The following GXYLT2 variants were observed in gnomAD, a reference collection of about 807,000 sequenced individuals.
GXYLT2 encodes glucoside xylosyltransferase 2, also known as glycosyltransferase 8 domain containing 4.
GXYLT2 carries 53 observed loss-of-function variants against 45.8 expected under a neutral mutation model. The ratio of observed to expected loss-of-function variants is 1.16; its 90% CI spans 0.93 to 1.46. The LOEUF is 1.46. GXYLT2 is among the 40% of genes most tolerant of loss of function. The probability of loss-of-function intolerance (pLI) is 0.00; values close to 1 mark genes in which losing one functional copy is unlikely to be tolerated. For synonymous variants in GXYLT2, 219 were observed against 214.2 expected (o/e 1.02, Z -0.19); for missense variants, 551 against 544.4 (o/e 1.01, Z -0.12).
intron 3 of GXYLT2, among the ~76,000 whole-genome samples, chr3:72,944,922 C>G (rs545022553): frequency 5.3e-5 from 8 of 152,206 alleles, no homozygotes; most frequent in African/African-American, 1.7e-4. Flanking sequence ...GACATGCAAG[C>G]AAAAGCAGGA....
At chr3:72,899,023 G>A (rs926115261) in intron 1 of GXYLT2, among the ~76,000 whole-genome samples, 10 of 151,120 alleles carry the variant, frequency 6.6e-5, no homozygotes, top group African/African-American at 1.2e-4. Flanking sequence ...GAGCCACCGC[G>A]CCCGGCCAGA....
At chr3:72,911,399 T>G (rs1228597672) in intron 2 of GXYLT2, among the ~76,000 whole-genome samples, 5 of 152,214 alleles carry the variant, frequency 3.3e-5, no homozygotes, top group Non-Finnish European at 5.9e-5. Context: ...TCTGTTATTC[T>G]CATGCTGGTA....
chr3:72,912,058 T>C (rs1229347760), intron 2 of GXYLT2, among the ~76,000 whole-genome samples: 1 of 146,890 alleles, frequency 6.8e-6, no homozygotes, highest in African/African-American at 2.6e-5. Flanking sequence ...TCTCCCAGGC[T>C]GAAGTGCAGT....
At chr3:72,973,103 AAAAAAATCCTCTG>A (rs747293694) in intron 6 of GXYLT2, among the ~76,000 whole-genome samples, 3 of 152,180 alleles carry the variant, frequency 2.0e-5, no homozygotes, top group Non-Finnish European at 4.4e-5. Context: ...CTCAAAAGAA[AAAAAAATCCTCTG>A]AGATAGTGAA....
intron 3 of GXYLT2, among the ~76,000 whole-genome samples, chr3:72,933,121 AT>A (rs61121953): frequency 0.1 from 15,835 of 152,140 alleles, 1,056 homozygotes; most frequent in East Asian, 0.28. Flanking sequence ...TATTATACCT[AT>A]TTTTTTAGGA....
rs11398405 is a variant in GXYLT2 at position 72,951,191 on chromosome 3, A to ATT, written c.601-3898_601-3897dup. Among the ~76,000 whole-genome samples the ATT allele has an allele frequency of 6.5e-4, 98 of 150,512 alleles. 1 individual carries two copies. Among genetic ancestry groups the ATT allele is most frequent in the South Asian group, 4.2e-3 (20 of 4,774 alleles). ...AGAGATGCAATGTTATCAAAAAGTG[A>ATT]TTTTTTTTTTGGTCTTTTGTTTTTT... On this transcript the variant is annotated intron_variant, in intron 3 of 6. Transcript: ENST00000389617.
At chr3:72,926,687 A>G (rs1239240912) in intron 3 of GXYLT2, among the ~76,000 whole-genome samples, 1 of 152,190 alleles carries the variant, frequency 6.6e-6, no homozygotes, top group East Asian at 1.9e-4. Flanking sequence ...AGAAATTATG[A>G]AGATTTCTCT....
At chr3:72,898,632 CTGCACCCG>C (rs979555415) in intron 1 of GXYLT2, among the ~76,000 whole-genome samples, 1 of 152,156 alleles carries the variant, frequency 6.6e-6, no homozygotes, top group Non-Finnish European at 1.5e-5. Flanking sequence ...AGATCGTTCC[CTGCACCCG>C]AGCACCCGGG....
intron 1 of GXYLT2, among the ~76,000 whole-genome samples, chr3:72,898,887 A>G (rs987082247): frequency 6.6e-6 from 1 of 152,056 alleles, no homozygotes; most frequent in Non-Finnish European, 1.5e-5. Flanking sequence ...ATGTGCCACC[A>G]TGCCCGGCTA....
chr3:72,940,194 T>C (rs1710274396), intron 3 of GXYLT2, among the ~76,000 whole-genome samples: 1 of 152,180 alleles, frequency 6.6e-6, no homozygotes, highest in Non-Finnish European at 1.5e-5. Context: ...AAAATGTATG[T>C]GTTCGTGTGT....
chr3:72,954,478 GC>G (rs1312332362), intron 3 of GXYLT2, among the ~76,000 whole-genome samples: 4 of 148,192 alleles, frequency 2.7e-5, no homozygotes. Flanking sequence ...AAGATGCAGG[GC>G]CCCCCATTAA....
chr3:72,925,677 A>G (rs1709906479), intron 3 of GXYLT2, among the ~76,000 whole-genome samples: 1 of 152,222 alleles, frequency 6.6e-6, no homozygotes, highest in Non-Finnish European at 1.5e-5. Flanking sequence ...TGGTCTTCCC[A>G]TTCTATCCAA....
At chr3:72,890,055 G>A (rs902617712) in intron 1 of GXYLT2, among the ~76,000 whole-genome samples, 6 of 152,092 alleles carry the variant, frequency 3.9e-5, no homozygotes, top group Non-Finnish European at 8.8e-5. Context: ...CAGGTAGCTG[G>A]CAAACAGGCG....
At position 72,896,646 on chromosome 3, in the gene GXYLT2, C is replaced by T. The variant is rs542546947; in HGVS notation, c.275+8138C>T. Reference sequence around the variant, plus strand: ...GGCAGATCGCTTGAGATCAGGAGTTCGAGACCATCCTGGCCAATATGGTGA... The same window carrying T: ...GGCAGATCGCTTGAGATCAGGAGTTTGAGACCATCCTGGCCAATATGGTGA... On this transcript the variant is annotated intron_variant, in intron 1 of 6. Transcript: ENST00000389617. Among the ~76,000 whole-genome samples, 6 of 152,098 alleles carry T rather than the reference C, an allele frequency of 3.9e-5. No individual in the cohort carries two copies. In the South Asian group the frequency reaches 8.3e-4, roughly 21 times the overall value.
chr3:72,888,681 C>T (rs1386697694), intron 1 of GXYLT2, among the ~76,000 whole-genome samples, 173 bp downstream of exon 1: 2 of 152,134 alleles, frequency 1.3e-5, no homozygotes, highest in Non-Finnish European at 2.9e-5. Flanking sequence ...TTGGTGGAGT[C>T]CCCCTAACAG....
At chr3:72,955,447 G>A (rs933034382) in intron 4 of GXYLT2, 98 bp downstream of exon 4, 2 of 1,184,358 alleles carry the variant, frequency 1.7e-6, no homozygotes, top group African/African-American at 3.0e-5. Flanking sequence ...TTGGAAATTG[G>A]GTGGCCTATA....
intron 2 of GXYLT2, among the ~76,000 whole-genome samples, chr3:72,915,442 A>G (rs1243571096): frequency 6.7e-6 from 1 of 150,032 alleles, no homozygotes; most frequent in Non-Finnish European, 1.5e-5. Context: ...TACAATCGGA[A>G]TTAGATTTTT....
intron 3 of GXYLT2, among the ~76,000 whole-genome samples, chr3:72,935,764 C>G (rs1407345548): frequency 6.6e-6 from 1 of 152,178 alleles, no homozygotes; most frequent in Admixed American, 6.5e-5. Context: ...AACCAAACTA[C>G]AAATTAAGTG....
chr3:72,900,793 G>A (rs1287784812), intron 1 of GXYLT2, among the ~76,000 whole-genome samples: 1 of 151,070 alleles, frequency 6.6e-6, no homozygotes, highest in African/African-American at 2.4e-5. Context: ...TGTTATAAAT[G>A]TTAAGTGCAT....
Sources: gnomAD v4.1 joint callset for allele counts (sites outside exome capture counted in the v4.1 genomes callset) on GRCh38, gnomAD v4.1.1 for gene constraint, MANE v1.5 for transcripts, NCBI Gene and HGNC (gene_info 2026-07-23, HGNC 2026-07-21) for gene names.